Variants in UPP2 observed in about 807,000 individuals in gnomAD.
UPP2 encodes the protein UPase 2.
UPP2 carries 23 observed loss-of-function variants against 26.7 expected under a neutral mutation model. The observed-to-expected ratio is 0.86, with a 90% CI of 0.62 to 1.22. UPP2 has a LOEUF of 1.22. Ranked by LOEUF, UPP2 falls within the 50% of genes most tolerant of loss-of-function variation. The pLI, the probability that UPP2 is intolerant of heterozygous loss-of-function variation, is 0.00. For missense variants in UPP2, 387 were observed against 396.7 expected (o/e 0.98, Z 0.21); for synonymous variants, 127 against 141.3 (o/e 0.90, Z 0.72).
intron 2 of UPP2, among the ~76,000 whole-genome samples, chr2:158,012,658 CAG>C (rs1212568944): frequency 2.0e-5 from 3 of 152,172 alleles, no homozygotes; most frequent in East Asian, 3.9e-4. Context: ...TTCCTGGAAA[CAG>C]AATTATTAAA....
intron 6 of UPP2, among the ~76,000 whole-genome samples, chr2:158,128,841 C>T (rs1683746967): frequency 6.6e-6 from 1 of 151,188 alleles, no homozygotes; most frequent in Admixed American, 6.6e-5. Flanking sequence ...GGGCTGAGCA[C>T]ATACCAATTG....
Position 158,123,756 on chromosome 2 carries a change from C to T in UPP2, c.672C>T (p.Gly224=), listed in dbSNP as rs1284355961. Residue 224 remains glycine, a synonymous_variant, in exon 6 of 7, where the codon GGC becomes GGT. Coordinates refer to ENST00000005756, the MANE Select transcript of UPP2 (RefSeq NM_173355.4). ...MCTYDFYEGQ[G]RLDGALCSFS... is the part of the protein sequence containing the mutation. ...TTCTCCCCTCCCTTTCAGGCCAAGG[C>T]CGACTAGATGGAGCACTGTGCTCCT... is the stretch of plus-strand genomic sequence containing the variant. 1 of 1,613,528 alleles carries T rather than the reference C, an allele frequency of 6.2e-7. No homozygotes were observed. Among genetic ancestry groups the T allele is most frequent in the Non-Finnish European group, 8.5e-7 (1 of 1,179,712 alleles).
At chr2:158,040,269 T>G (rs1484220167) in intron 3 of UPP2, among the ~76,000 whole-genome samples, 2 of 152,218 alleles carry the variant, frequency 1.3e-5, no homozygotes, top group Non-Finnish European at 2.9e-5. Context: ...TTGTTGAAAA[T>G]TCACTTAATA....
At chr2:158,084,958 T>G (rs1682789801) in intron 3 of UPP2, among the ~76,000 whole-genome samples, 1 of 152,118 alleles carries the variant, frequency 6.6e-6, no homozygotes, top group Non-Finnish European at 1.5e-5. Flanking sequence ...TTTTGCTTAG[T>G]CTTGCTTTGG....
intron 2 of UPP2, chr2:157,995,270 G>C: frequency 6.2e-7 from 1 of 1,613,420 alleles, no homozygotes; most frequent in Non-Finnish European, 8.5e-7. Context: ...GTTAGTGAGG[G>C]AAGAGGAGAA....
chr2:158,043,735 C>T (rs911106696), intron 3 of UPP2, among the ~76,000 whole-genome samples: 5 of 152,238 alleles, frequency 3.3e-5, no homozygotes, highest in African/African-American at 9.6e-5. Flanking sequence ...AGCATAGTTA[C>T]GACCATCTGG....
At chr2:158,015,695 C>T (rs1407629260) in intron 2 of UPP2, 2 of 421,246 alleles carry the variant, frequency 4.7e-6, no homozygotes, top group Non-Finnish European at 4.7e-6. Context: ...AGACTTCCCC[C>T]TTGCTGTTCT....
intron 3 of UPP2, among the ~76,000 whole-genome samples, chr2:158,071,983 T>C (rs1211075657): frequency 6.6e-6 from 1 of 152,130 alleles, no homozygotes; most frequent in Non-Finnish European, 1.5e-5. Context: ...ACACCTTAGG[T>C]ACGTATTTGG....
chr2:158,102,007 C>A lies in UPP2; in HGVS notation c.-57C>A. 6.2e-7 allele frequency: 1 copy of A among 1,604,126 alleles called. No individual in the cohort carries two copies. Among genetic ancestry groups the A allele is most frequent in the South Asian group, 1.1e-5 (1 of 88,942 alleles). Reference sequence around the variant, plus strand: ...CTAGGTCTATAATTTAATAACAAGTCACAATATCTCTCTTTCTTGACATCA... The same window carrying A: ...CTAGGTCTATAATTTAATAACAAGTAACAATATCTCTCTTTCTTGACATCA... On this transcript the variant is annotated 5_prime_UTR_variant, in exon 1 of 7. Coordinates refer to ENST00000005756, the MANE Select transcript of UPP2 (RefSeq NM_173355.4).
chr2:158,092,595 G>C (rs933379843), intron 3 of UPP2, among the ~76,000 whole-genome samples: 11 of 152,210 alleles, frequency 7.2e-5, no homozygotes, highest in Non-Finnish European at 1.5e-4. Flanking sequence ...AAGAAACCCA[G>C]AAGGAAGGAG....
At chr2:158,119,599 T>C (rs1290329997) in intron 4 of UPP2, among the ~76,000 whole-genome samples, 2 of 152,050 alleles carry the variant, frequency 1.3e-5, no homozygotes, top group Non-Finnish European at 2.9e-5. Context: ...ACTAACACAT[T>C]TAAATATTAA....
At chr2:158,098,608 T>A (rs1683024563), upstream of UPP2, among the ~76,000 whole-genome samples, 1 of 152,192 alleles carries the variant, frequency 6.6e-6, no homozygotes, top group African/African-American at 2.4e-5. Flanking sequence ...AGCACATGGA[T>A]CCAGGAGCCC....
intron 3 of UPP2, among the ~76,000 whole-genome samples, chr2:158,036,821 C>A (rs1472191537): frequency 6.6e-5 from 10 of 152,110 alleles, no homozygotes; most frequent in Admixed American, 6.5e-4. Flanking sequence ...TGAAAGGGGG[C>A]ACAGTCAAAA....
At chr2:158,023,323 C>T (rs1311454469) in intron 3 of UPP2, among the ~76,000 whole-genome samples, 2 of 151,370 alleles carry the variant, frequency 1.3e-5, no homozygotes, top group African/African-American at 4.8e-5. Context: ...TTTGTATTGG[C>T]AGAGGATCTC....
chr2:158,055,004 G>A (rs2105174203), intron 3 of UPP2, among the ~76,000 whole-genome samples: 1 of 152,142 alleles, frequency 6.6e-6, no homozygotes, highest in Non-Finnish European at 1.5e-5. Flanking sequence ...TCTACTTCCT[G>A]TCTCTACTAG....
chr2:158,034,215 C>A (rs1198628806), intron 3 of UPP2, among the ~76,000 whole-genome samples: 2 of 152,190 alleles, frequency 1.3e-5, no homozygotes, highest in Admixed American at 1.3e-4. Context: ...TGCATTTTTA[C>A]CATCAGGGTG....
At chr2:158,001,872 T>C (rs1338156551) in intron 2 of UPP2, among the ~76,000 whole-genome samples, 2 of 150,964 alleles carry the variant, frequency 1.3e-5, no homozygotes, top group Non-Finnish European at 2.9e-5. Flanking sequence ...GGTTTTGTTC[T>C]TTAGTTGTAT....
chr2:158,059,939 G>A (rs184126327), intron 3 of UPP2, among the ~76,000 whole-genome samples: 80 of 152,286 alleles, frequency 5.3e-4, no homozygotes, highest in Middle Eastern at 6.8e-3. Flanking sequence ...TCATCAAGAT[G>A]TTGGGAGAAT....
intron 3 of UPP2, among the ~76,000 whole-genome samples, chr2:158,024,660 A>G (rs1683807460): frequency 6.6e-6 from 1 of 152,218 alleles, no homozygotes; most frequent in Non-Finnish European, 1.5e-5. Flanking sequence ...CATTTTAATC[A>G]AATACTGACA....
Sources: gnomAD v4.1 joint callset for allele counts (sites outside exome capture counted in the v4.1 genomes callset) on GRCh38, gnomAD v4.1.1 for gene constraint, MANE v1.5 for transcripts, NCBI Gene and HGNC (gene_info 2026-07-23, HGNC 2026-07-21) for gene names.